Variants in CYP4V2 observed in about 807,000 individuals in gnomAD.
CYP4V2 encodes the protein cytochrome P450 family 4 subfamily V member 2.
In CYP4V2, 55 loss-of-function variants were observed where a neutral mutation model predicts 60.8. The ratio of observed to expected loss-of-function variants is 0.90; its 90% confidence interval spans 0.73 to 1.13. The LOEUF (loss-of-function observed/expected upper bound fraction) is 1.13, where lower values mean the gene tolerates loss of function less well. CYP4V2 is among the 50% of genes most tolerant of loss of function. The pLI is 0.00. For missense variants in CYP4V2, 675 were observed against 662.9 expected, an observed-to-expected ratio of 1.02 and a Z score of -0.20; for synonymous variants, 239 against 236.8, an observed-to-expected ratio of 1.01 and a Z score of -0.08.
intron 1 of CYP4V2, 42 bp from the exon 2 acceptor site, chr4:186,194,458 T>G (rs1736083107): frequency 5.9e-6 from 9 of 1,536,198 alleles, no homozygotes; most frequent in Non-Finnish European, 7.2e-6. Flanking sequence ...GGTCACAACT[T>G]TCTCATCTTG....
intron 1 of CYP4V2, chr4:186,192,274 C>A (rs1249275376): frequency 2.8e-6 from 2 of 702,898 alleles, no homozygotes; most frequent in Non-Finnish European, 5.2e-6. Flanking sequence ...TATTTCCAAA[C>A]CCCTGCCCTC....
At position 186,191,794 on chromosome 4, in the gene CYP4V2, G is replaced by A; in HGVS notation, c.-30G>A. On this transcript the variant is annotated 5_prime_UTR_variant, in exon 1 of 11. Coordinates refer to ENST00000378802, the MANE Select transcript of CYP4V2 (RefSeq NM_207352.4). ...GCCCCCGCGGGCCCGCACTTTCCCG[G>A]AGTGCACCCCGCGGCCGCCAGCCGG... 6.6e-7 allele frequency: 1 copy of A among 1,507,434 alleles called. No individual in the cohort carries two copies. Among genetic ancestry groups the A allele is most frequent in the East Asian group, 2.5e-5 (1 of 39,372 alleles). 93.4% of individuals were successfully genotyped at this position (1,507,434 alleles called of 1,614,324 possible).
In CYP4V2 at chr4:186,199,207, C is replaced by T. The variant is rs13146537; in HGVS notation, c.801+124C>T. ...TCACGATGTTGTGCAACCATCCCCA[C>T]CGTTCATTTCCAGAACTTTTGGTAA... On this transcript the variant is annotated intron_variant, in intron 6 of 10. Coordinates refer to ENST00000378802, the MANE Select transcript of CYP4V2 (RefSeq NM_207352.4). 243,748 of 1,035,886 alleles carry T rather than the reference C, an allele frequency of 0.24. 31,633 individuals carry two copies. The highest frequency in any genetic ancestry group is 0.45 in the South Asian group (31,926 of 70,996). 64.2% of individuals were successfully genotyped at this position (1,035,886 alleles called of 1,614,324 possible).
chr4:186,192,807 C>T (rs1477940245), intron 1 of CYP4V2, among the ~76,000 whole-genome samples: 1 of 152,116 alleles, frequency 6.6e-6, no homozygotes, highest in Non-Finnish European at 1.5e-5. Context: ...CGTTGAGGTA[C>T]CCAGAAATGA....
In CYP4V2 at chr4:186,201,145, C is replaced by T. The variant is rs1407179888; in HGVS notation, c.802-12C>T. ...CAAACAGAAGCATGTGATTATCATT[C>T]AAATCATACAGGTCATCGCTGAACG... On this transcript the variant is annotated splice_polypyrimidine_tract_variant and intron_variant, in intron 6 of 10. Transcript: ENST00000378802. 2 of 1,613,778 alleles carry T rather than the reference C, an allele frequency of 1.2e-6. No homozygotes were observed. The highest frequency in any genetic ancestry group is 1.7e-6 in the Non-Finnish European group (2 of 1,179,848).
rs1424107341 is a variant in CYP4V2 at position 186,197,065 on chromosome 4, A to G, written c.539A>G (p.His180Arg). Residue 180 changes from histidine to arginine, a missense_variant, in exon 4 of 11, where the codon CAC (histidine) becomes CGC (arginine). Physicochemically the swap from His to Arg is conservative, Grantham distance 29 (BLOSUM62 0). Transcript: ENST00000378802. The stretch of plus-strand genomic sequence containing the variant: ...ATATTGGTTAAGAAACTTGAAAAAC[A>G]CATTAACCAAGAAGCATTTAACTGC... The part of the protein sequence containing the change: ...ANILVKKLEK[H>R]INQEAFNCFF... The G allele has an allele frequency of 6.2e-7, 1 of 1,613,726 alleles. No individual in the cohort carries two copies. Among genetic ancestry groups the G allele is most frequent in the African/African-American group, 1.3e-5 (1 of 74,902 alleles).
chr4:186,207,585 A>T (rs200915097), intron 8 of CYP4V2, among the ~76,000 whole-genome samples: 2,477 of 59,776 alleles, frequency 0.041, 70 homozygotes, highest in African/African-American at 0.11. Flanking sequence ...AATAATTAAT[A>T]ATTAATACTT....
intron 5 of CYP4V2, 71 bp from the exon 6 acceptor site, chr4:186,198,886 G>C: frequency 1.9e-6 from 3 of 1,610,184 alleles, no homozygotes; most frequent in South Asian, 1.1e-5. Context: ...ATCAAGGCCA[G>C]GTACTAAAGA....
At chr4:186,201,081 T>C in intron 6 of CYP4V2, 76 bp from the exon 7 acceptor site, 2 of 1,423,714 alleles carry the variant, frequency 1.4e-6, no homozygotes, top group Admixed American at 1.9e-5. Flanking sequence ...AACTAGCATA[T>C]TTTATAAGAA....
intron 8 of CYP4V2, 30 bp downstream of exon 8, chr4:186,205,332 G>T: frequency 6.3e-7 from 1 of 1,585,214 alleles, no homozygotes; most frequent in Non-Finnish European, 8.7e-7. Context: ...TGGTTATATT[G>T]TGGTACTAAG....
rs767139838 is a variant in CYP4V2, at chr4:186,209,152, G to T, written c.1285G>T (p.Asp429Tyr). Residue 429 changes from aspartate to tyrosine, a missense_variant, in exon 10 of 11, where the codon GAT (aspartate) becomes TAT (tyrosine). Transcript: ENST00000378802. Reference sequence around the variant, plus strand: ...CATCATTCCCTATGCATTGCACAGAGATCCGAGATACTTCCCCAACCCCGA... The same window carrying T: ...CATCATTCCCTATGCATTGCACAGATATCCGAGATACTTCCCCAACCCCGA... ...AVIIPYALHR[D>Y]PRYFPNPEEF... 5.0e-6 allele frequency: 8 copies of T among 1,614,112 alleles called. No individual in the cohort carries two copies. Among genetic ancestry groups the T allele is most frequent in the Non-Finnish European group, 6.8e-6 (8 of 1,180,016 alleles).
chr4:186,207,583 A>C (rs1272076059), intron 8 of CYP4V2, among the ~76,000 whole-genome samples: 1 of 147,694 alleles, frequency 6.8e-6, no homozygotes, highest in African/African-American at 2.5e-5. Context: ...TAAATAATTA[A>C]TAATTAATAC....
Position 186,205,293 on chromosome 4 carries a change from G to A in CYP4V2, c.1081G>A (p.Asp361Asn). ...VQKKVDHELD[D>N]VFGKSDRPAT... ...GAAAAAAGTGGATCATGAATTGGAT[G>A]ACGTGTTTGGTATGTTTGGCCCCTT... Residue 361 changes from aspartate to asparagine, a missense_variant, in exon 8 of 11, where the codon GAC (aspartate) becomes AAC (asparagine). Physicochemically the swap from Asp to Asn is conservative, Grantham distance 23. Coordinates refer to ENST00000378802, the MANE Select transcript of CYP4V2 (RefSeq NM_207352.4). The A allele has an allele frequency of 6.2e-7, 1 of 1,614,204 alleles. No individual in the cohort carries two copies. The highest frequency in any genetic ancestry group is 1.1e-5 in the South Asian group (1 of 91,084).
chr4:186,191,975 C>T lies in CYP4V2; in HGVS notation c.152C>T (p.Pro51Leu). 8 of 1,585,478 alleles carry T rather than the reference C, an allele frequency of 5.0e-6. No homozygotes were observed. The highest frequency in any genetic ancestry group is 6.8e-6 in the Non-Finnish European group (8 of 1,170,234). The change falls in exon 1 of 11, where the codon CCC becomes CTC. Residue 51 changes from proline (P) to leucine (L), a missense_variant. Coordinates refer to ENST00000378802, the MANE Select transcript of CYP4V2 (RefSeq NM_207352.4). ...AAATGGCAGCAGATGCGGCCCATCC[C>T]CACGGTGGCCCGCGCCTACCCACTG... ...ARKWQQMRPI[P>L]TVARAYPLVG...
At chr4:186,204,094 A>G (rs911433539) in intron 7 of CYP4V2, 2 of 153,942 alleles carry the variant, frequency 1.3e-5, no homozygotes, top group Non-Finnish European at 2.9e-5. Context: ...TAGGGAGATG[A>G]GGAGGTAGAT....
At position 186,201,282 on chromosome 4, in the gene CYP4V2, C is replaced by T. The variant is rs1381193383; in HGVS notation, c.927C>T (p.Asp309=). The stretch of plus-strand genomic sequence containing the variant: ...ACTTGCTTTTAAGTGTGACTGATGA[C>T]GAAGGGAACAGGCTAAGTCATGAAG... The part of the protein sequence containing the change: ...FLDLLLSVTD[D]EGNRLSHEDI... The change falls in exon 7 of 11, where the codon GAC becomes GAT. Residue 309 remains aspartate, a synonymous_variant. Transcript: ENST00000378802. The T allele has an allele frequency of 3.1e-6, 5 of 1,613,858 alleles. No homozygotes were observed. The highest frequency in any genetic ancestry group is 2.7e-5 in the African/African-American group (2 of 74,846).
chr4:186,191,980 G>T lies in CYP4V2; in HGVS notation c.157G>T (p.Val53Leu), dbSNP rs766465711. Reference protein sequence around the residue: ...KWQQMRPIPTVARAYPLVGHA... With the variant: ...KWQQMRPIPTLARAYPLVGHA... ...GCAGCAGATGCGGCCCATCCCCACG[G>T]TGGCCCGCGCCTACCCACTGGTGGG... The change falls in exon 1 of 11, where the codon GTG (valine) becomes TTG (leucine). Residue 53 changes from valine (V) to leucine (L), a missense_variant. Transcript: ENST00000378802. 6.3e-7 allele frequency: 1 copy of T among 1,585,522 alleles called. No individual in the cohort carries two copies. Among genetic ancestry groups the T allele is most frequent in the Non-Finnish European group, 8.5e-7 (1 of 1,170,306 alleles).
At position 186,204,386 on chromosome 4, in the gene CYP4V2, A is replaced by C. The variant is rs62348761; in HGVS notation, c.988-814A>C. 6 of 91,422 alleles carry C rather than the reference A, an allele frequency of 6.6e-5. 2 individuals carry two copies. The highest frequency in any genetic ancestry group is 4.0e-4 in the African/African-American group (6 of 14,932). The allele number at this position is 91,422 out of a possible 1,614,324, so 5.7% of individuals were successfully genotyped here. Reference sequence around the variant, plus strand: ...CGTAAGAGGCGGCGGTGGAGGCGCTACGCTGGCGTAAGAGGTGGCGGTGGA... The same window carrying C: ...CGTAAGAGGCGGCGGTGGAGGCGCTCCGCTGGCGTAAGAGGTGGCGGTGGA... On this transcript the variant is annotated intron_variant, in intron 7 of 10. Transcript: ENST00000378802.
At chr4:186,206,817 A>G (rs1018569804) in intron 8 of CYP4V2, among the ~76,000 whole-genome samples, 4 of 152,214 alleles carry the variant, frequency 2.6e-5, no homozygotes, top group Non-Finnish European at 5.9e-5. Context: ...GACACCATCT[A>G]ACACTTTTGG....
Sources: allele counts gnomAD v4.1 joint callset (sites outside exome capture counted in the v4.1 genomes callset), GRCh38; gene constraint gnomAD v4.1.1; transcripts MANE v1.5; gene names NCBI Gene and HGNC (gene_info 2026-07-23, HGNC 2026-07-21).